The following VSIG10L variants were observed in gnomAD, a reference collection of about 807,000 sequenced individuals.
The protein encoded by VSIG10L is V-set and immunoglobulin domain-containing protein 10-like.
Under a neutral mutation model 67.3 loss-of-function variants are expected in VSIG10L, and 63 were observed. The observed-to-expected ratio is 0.94, with a 90% CI of 0.76 to 1.15. VSIG10L has a LOEUF of 1.15. Among genes scored for constraint, VSIG10L ranks in the 50% most tolerant of loss-of-function variants. The probability of loss-of-function intolerance (pLI) is 0.00; values close to 1 mark genes in which losing one functional copy is unlikely to be tolerated. For missense variants in VSIG10L, 1,050 were observed against 1,177.5 expected (o/e 0.89, Z 1.58); for synonymous variants, 499 against 524.9 (o/e 0.95, Z 0.67).
chr19:51,341,301 A>T lies in VSIG10L; in HGVS notation c.747T>A (p.Pro249=). ...CAAATCGCAGGTGGTCTCGGTGAGCAGGGTCCAGGCTGATCAGAGGTGCCC... is the reference window on the plus strand; with the variant it reads ...CAAATCGCAGGTGGTCTCGGTGAGCTGGGTCCAGGCTGATCAGAGGTGCCC... ...GPGAPLISLD[P]AHRDHLRFDQ... Residue 249 remains proline, a synonymous_variant, in exon 2 of 10, where the codon CCT becomes CCA. Coordinates refer to ENST00000335624, the MANE Select transcript of VSIG10L (RefSeq NM_001163922.3). The T allele has an allele frequency of 6.5e-7, 1 of 1,545,972 alleles. No individual in the cohort carries two copies. Among genetic ancestry groups the T allele is most frequent in the Non-Finnish European group, 8.7e-7 (1 of 1,146,894 alleles).
rs531338047 is a variant in VSIG10L, at chr19:51,340,709, A to G, written c.913T>C (p.Ser305Pro). 3 of 1,506,518 alleles carry G rather than the reference A, an allele frequency of 2.0e-6. No homozygotes were observed. The South Asian group carries it at 3.7e-5, about 19-fold the overall frequency. The allele number at this position is 1,506,518 out of a possible 1,614,324, so 93.3% of individuals were successfully genotyped here. A position where few individuals can be genotyped will look rare whatever the true frequency, so the allele number is the denominator to read the frequency against. Reference sequence around the variant, plus strand: ...GTCTCTGGAGCCTTGGGCTGAACCGACAGCTGGGGTAGGGGCTCTGGGAGA... The same window carrying G: ...GTCTCTGGAGCCTTGGGCTGAACCGGCAGCTGGGGTAGGGGCTCTGGGAGA... ...VGVYEPLPQL[S>P]VQPKAPETEE... The change falls in exon 3 of 10, where the codon TCG becomes CCG. Residue 305 changes from serine (S) to proline (P), a missense_variant. Ser to Pro is a moderately conservative substitution (Grantham distance 74). This residue lies in a region of VSIG10L where 511 missense variants were observed against 557.9 expected (regional missense o/e 0.92). Transcript: ENST00000335624. This position sits in a 1 kb window ranked among gnomAD's most constrained non-coding sequence, Gnocchi z 6.3.
Position 51,338,092 on chromosome 19 carries a change from C to T in VSIG10L, c.1846G>A (p.Glu616Lys), listed in dbSNP as rs556379609. The T allele has an allele frequency of 3.9e-6, 6 of 1,551,316 alleles. No homozygotes were observed. The South Asian group carries it at 5.9e-5, about 15-fold the overall frequency. ...PPPSRASWAR[E>K]GRPLAPGGGS... is the part of the protein sequence containing the mutation. ...CCTCCTGGAGCCAGGGGCCTCCCTT[C>T]CCGGGCCCAGGATGCCCGTGAGGGT... The change falls in exon 6 of 10, where the codon GAA becomes AAA. Residue 616 changes from glutamate (E) to lysine (K), a missense_variant. Physicochemically the swap from Glu to Lys is moderately conservative, Grantham distance 56. Around this residue, in one of 3 missense-constraint regions of VSIG10L, gnomAD observed 529 missense variants for 584.9 expected, o/e 0.90. Coordinates refer to ENST00000335624, the MANE Select transcript of VSIG10L (RefSeq NM_001163922.3).
intron 7 of VSIG10L, among the ~76,000 whole-genome samples, chr19:51,335,780 C>G (rs777384362): frequency 5.9e-5 from 9 of 152,110 alleles, no homozygotes; most frequent in Non-Finnish European, 8.8e-5. Flanking sequence ...GGCGTGGTGG[C>G]TCACACCTGT....
At chr19:51,336,649 C>G (rs1985486315) in intron 7 of VSIG10L, among the ~76,000 whole-genome samples, 2 of 152,024 alleles carry the variant, frequency 1.3e-5, no homozygotes, top group African/African-American at 2.4e-5. Context: ...TGGAGTGATG[C>G]AGCTGCAAGT....
chr19:51,338,096 GGCCCAGGAT>G lies in VSIG10L; in HGVS notation c.1833_1841del (p.Ser612_Ala614del). ...CTGGAGCCAGGGGCCTCCCTTCCCG[GGCCCAGGAT>G]GCCCGTGAGGGTGGGGGACAACCAG... On this transcript the variant is annotated inframe_deletion, in exon 6 of 10. Transcript: ENST00000335624. 6.4e-7 allele frequency: 1 copy of G among 1,551,190 alleles called. No individual in the cohort carries two copies. Among genetic ancestry groups the G allele is most frequent in the Non-Finnish European group, 8.7e-7 (1 of 1,146,816 alleles).
intron 7 of VSIG10L, among the ~76,000 whole-genome samples, chr19:51,335,167 C>T (rs1255695250): frequency 2.0e-5 from 3 of 152,104 alleles, no homozygotes. Flanking sequence ...TCAACGAAGG[C>T]CAGCGTGGGT....
intron 8 of VSIG10L, 111 bp from the exon 9 acceptor site, chr19:51,334,056 G>A: frequency 6.7e-7 from 1 of 1,498,776 alleles, no homozygotes; most frequent in Non-Finnish European, 9.1e-7. Flanking sequence ...ATGCTGATTG[G>A]CTGATTTGGA....
intron 7 of VSIG10L, 55 bp downstream of exon 7, chr19:51,337,183 A>G: frequency 6.7e-7 from 1 of 1,491,046 alleles, no homozygotes; most frequent in Non-Finnish European, 9.0e-7. Context: ...TAAAACAGGG[A>G]GACACGGAGG....
chr19:51,332,395 A>C lies in VSIG10L; in HGVS notation c.*216T>G, dbSNP rs964701071. ...GCAAGAGTTTCCCAGCCAAGAAGTC[A>C]CATCTCCTTACTTGCACAAATACAG... On this transcript the variant is annotated 3_prime_UTR_variant, in exon 10 of 10. Coordinates refer to ENST00000335624, the MANE Select transcript of VSIG10L (RefSeq NM_001163922.3). The C allele has an allele frequency of 6.2e-6, 4 of 648,714 alleles. No homozygotes were observed. In the Admixed American group the frequency reaches 9.1e-5, roughly 15 times the overall value. 40.2% of individuals were successfully genotyped at this position (648,714 alleles called of 1,614,324 possible). A position where few individuals can be genotyped will look rare whatever the true frequency, so the allele number is the denominator to read the frequency against.
Position 51,339,073 on chromosome 19 carries a change from C to T in VSIG10L, c.1544G>A (p.Cys515Tyr). 7.5e-7 allele frequency: 1 copy of T among 1,336,458 alleles called. No individual in the cohort carries two copies. The highest frequency in any genetic ancestry group is 1.9e-5 in the South Asian group (1 of 51,530). The allele number at this position is 1,336,458 out of a possible 1,614,324, so 82.8% of individuals were successfully genotyped here. A position where few individuals can be genotyped will look rare whatever the true frequency, so the allele number is the denominator to read the frequency against. The change falls in exon 5 of 10, where the codon TGC becomes TAC. Residue 515 changes from cysteine to tyrosine, a missense_variant. Cys to Tyr is a radical substitution (Grantham distance 194, BLOSUM62 -2). Around this residue, in one of 3 missense-constraint regions of VSIG10L, gnomAD observed 529 missense variants for 584.9 expected, o/e 0.90. Transcript: ENST00000335624. ...AGCAGGGGCCCCGCCGGGCCACGAG[C>T]AGCGGAAGCGGAGGCTGCGGTCCCC... ...GPGDRSLRFR[C>Y]SWPGGAPAAS...
Position 51,337,417 on chromosome 19 carries a change from GGCCCATCTGGCCAT to G in VSIG10L, c.2112_2125del (p.Trp705CysfsTer102). 6.4e-7 allele frequency: 1 copy of G among 1,551,738 alleles called. No homozygotes were observed. The highest frequency in any genetic ancestry group is 8.7e-7 in the Non-Finnish European group (1 of 1,146,998). On this transcript the variant is annotated frameshift_variant, in exon 7 of 10. Coordinates refer to ENST00000335624, the MANE Select transcript of VSIG10L (RefSeq NM_001163922.3). LOFTEE classifies it high-confidence loss of function. ...GTAGGTGGAAGTCCTGCCCAGAGCA[GGCCCATCTGGCCAT>G]GCCTGGATCTCAAAACTGCTGATCA...
intron 8 of VSIG10L, 119 bp downstream of exon 8, chr19:51,334,072 G>A (rs1568461702): frequency 6.8e-7 from 1 of 1,473,280 alleles, no homozygotes; most frequent in African/African-American, 1.4e-5. Context: ...TTGGAGGTAG[G>A]AGGGCAGGAT....
intron 8 of VSIG10L, 84 bp downstream of exon 8, chr19:51,334,107 G>C: frequency 6.7e-7 from 1 of 1,482,552 alleles, no homozygotes; most frequent in Admixed American, 2.0e-5. Flanking sequence ...GGCACTGATT[G>C]CCTCAGCCAG....
rs557954130 is a variant in VSIG10L at position 51,332,770 on chromosome 19, A to AG, written c.2575-131dup. On this transcript the variant is annotated intron_variant, in intron 9 of 9. Transcript: ENST00000335624. ...TTATCTGGGAACCCTCCATTTGGAG[A>AG]GGGGAAAAAAAATGCCTGGCTATCC... 2.1e-4 allele frequency: 189 copies of AG among 880,326 alleles called. No individual in the cohort carries two copies. The African/African-American group carries it at 2.9e-3, about 13-fold the overall frequency. 54.5% of individuals were successfully genotyped at this position (880,326 alleles called of 1,614,324 possible).
At position 51,339,998 on chromosome 19, in the gene VSIG10L, C is replaced by G. The variant is rs1174895616; in HGVS notation, c.1474+17G>C. On this transcript the variant is annotated intron_variant, in intron 4 of 9. Coordinates refer to ENST00000335624, the MANE Select transcript of VSIG10L (RefSeq NM_001163922.3). ...CCCTCTCCCAGGCATTCCCCTACTC[C>G]CGCTCCAGCCTCTCACCCGCCACTG... The G allele has an allele frequency of 7.3e-7, 1 of 1,374,792 alleles. No homozygotes were observed. The highest frequency in any genetic ancestry group is 1.5e-5 in the African/African-American group (1 of 65,652). 85.2% of individuals were successfully genotyped at this position (1,374,792 alleles called of 1,614,324 possible).
rs562035637 is a variant in VSIG10L, at chr19:51,339,815, G to T, written c.1474+200C>A. On this transcript the variant is annotated intron_variant, in intron 4 of 9. Transcript: ENST00000335624. ...TTTCTGGCCCCGCCTCTTATCCTAG[G>T]TGTCTCCGCCCCTCCGCGCTGGCCC... 1.3e-3 allele frequency: 740 copies of T among 563,836 alleles called. 7 individuals are homozygous for T. The African/African-American group carries it at 0.014, about 10-fold the overall frequency. 34.9% of individuals were successfully genotyped at this position (563,836 alleles called of 1,614,324 possible).
chr19:51,340,235 G>A lies in VSIG10L; in HGVS notation c.1254C>T (p.Val418=). Residue 418 remains valine (V), a synonymous_variant, in exon 4 of 10, where the codon GTC becomes GTT. Coordinates refer to ENST00000335624, the MANE Select transcript of VSIG10L (RefSeq NM_001163922.3). This position sits in a 1 kb window ranked among gnomAD's most constrained non-coding sequence, Gnocchi z 6.3. ...GCAAGGTCACGTTACTGCCCGCGGT[G>A]ACAAAGCGGGCAGGCGCGGCGTCGC... The part of the protein sequence containing the change: ...SDRDAAPARF[V]TAGSNVTLRC... 3.3e-6 allele frequency: 5 copies of A among 1,511,334 alleles called. No homozygotes were observed. The highest frequency in any genetic ancestry group is 4.4e-6 in the Non-Finnish European group (5 of 1,137,402). The allele number at this position is 1,511,334 out of a possible 1,614,324, so 93.6% of individuals were successfully genotyped here.
chr19:51,339,808 A>G, intron 4 of VSIG10L: 1 of 526,786 alleles, frequency 1.9e-6, no homozygotes, highest in Non-Finnish European at 2.9e-6. Context: ...CCCGCCTCTT[A>G]TCCTAGGTGT....
intron 7 of VSIG10L, among the ~76,000 whole-genome samples, chr19:51,335,450 T>C (rs894507892): frequency 7.9e-5 from 12 of 152,088 alleles, no homozygotes; most frequent in Non-Finnish European, 1.5e-4. Flanking sequence ...GAAAATATTT[T>C]AGAAGGAAAA....
Sources: gnomAD v4.1 joint callset for allele counts (sites outside exome capture counted in the v4.1 genomes callset) on GRCh38, gnomAD v4.1.1 for gene constraint, gnomAD v4.1.1 regional missense constraint, Gnocchi (gnomAD v3.1) non-coding constraint, MANE v1.5 for transcripts, NCBI Gene and HGNC (gene_info 2026-07-23, HGNC 2026-07-21) for gene names.